SDK1: variants seen among roughly 807,000 people sequenced by gnomAD.
The protein encoded by SDK1 is protein sidekick-1.
Under a neutral mutation model 245.5 loss-of-function variants are expected in SDK1, and 157 were observed. The ratio of observed to expected loss-of-function variants is 0.64; its 90% CI spans 0.56 to 0.73. The LOEUF (loss-of-function observed/expected upper bound fraction) is 0.73. Ranked by LOEUF, SDK1 falls within the 30% of genes least tolerant of loss-of-function variation. The probability of loss-of-function intolerance (pLI) is 0.00; values close to 1 mark genes in which losing one functional copy is unlikely to be tolerated. For synonymous variants in SDK1, 1,647 were observed against 1,278.5 expected (o/e 1.29, Z -6.15); for missense variants, 3,583 against 3,002.3 (o/e 1.19, Z -4.52).
intron 5 of SDK1, among the ~76,000 whole-genome samples, chr7:3,903,569 C>G (rs1363797734): frequency 6.6e-6 from 1 of 152,114 alleles, no homozygotes. Context: ...TTGGCATTTC[C>G]TCAAAAAGTT....
At chr7:3,698,563 A>G (rs956443596) in intron 4 of SDK1, among the ~76,000 whole-genome samples, 13 of 152,144 alleles carry the variant, frequency 8.5e-5, no homozygotes, top group African/African-American at 2.7e-4. Context: ...CTGCACCTCT[A>G]TCTCAGCTCA....
intron 1 of SDK1, among the ~76,000 whole-genome samples, chr7:3,400,570 C>A (rs560853637): frequency 2.0e-5 from 3 of 152,084 alleles, no homozygotes; most frequent in Non-Finnish European, 4.4e-5. Flanking sequence ...TTGTATTACA[C>A]AAAAATAGAT....
intron 1 of SDK1, among the ~76,000 whole-genome samples, chr7:3,407,280 A>G (rs1302655246): frequency 1.3e-5 from 2 of 152,218 alleles, no homozygotes; most frequent in Non-Finnish European, 2.9e-5. Flanking sequence ...CTTTGCTCAT[A>G]GCCATTACCC....
At chr7:3,642,393 C>G (rs961007430) in intron 4 of SDK1, among the ~76,000 whole-genome samples, 1 of 152,094 alleles carries the variant, frequency 6.6e-6, no homozygotes, top group Admixed American at 6.6e-5. Context: ...TCTGAGTGTA[C>G]TTTTTAAGAT....
rs781749713 is a variant in SDK1 at position 4,241,802 on chromosome 7, T to A, written c.6140T>A (p.Ile2047Asn). 4 of 1,614,104 alleles carry A rather than the reference T, an allele frequency of 2.5e-6. No individual in the cohort carries two copies. In the East Asian group the frequency reaches 8.9e-5, roughly 36 times the overall value. ...TCCTGCTGGGCTTTAGGAAAGGGGA[T>A]CTCCACCATGGAGGAGTCTGTGACC... Reference protein sequence around the residue: ...KYKNCSTGKGISTMEESVTLD... With the variant: ...KYKNCSTGKGNSTMEESVTLD... Residue 2047 changes from isoleucine (I) to asparagine (N), a missense_variant, in exon 43 of 45, where the codon ATC (isoleucine) becomes AAC (asparagine). Coordinates refer to ENST00000404826, the MANE Select transcript of SDK1 (RefSeq NM_152744.4).
At position 4,265,857 on chromosome 7, in the gene SDK1, C is replaced by G; in HGVS notation, c.*473C>G. 1 of 989,390 alleles carries G rather than the reference C, an allele frequency of 1.0e-6. No individual in the cohort carries two copies. Among genetic ancestry groups the G allele is most frequent in the Non-Finnish European group, 1.2e-6 (1 of 832,952 alleles). The allele number at this position is 989,390 out of a possible 1,614,324, so 61.3% of individuals were successfully genotyped here. On this transcript the variant is annotated 3_prime_UTR_variant, in exon 45 of 45. Transcript: ENST00000404826. The stretch of plus-strand genomic sequence containing the variant: ...CCTTCTCAACGCAGGACATCCTCGG[C>G]GGCTCCTGGGGTTTGAAGAGCAAAC...
At chr7:4,206,114 C>T in intron 36 of SDK1, 120 bp downstream of exon 36, 1 of 674,682 alleles carries the variant, frequency 1.5e-6, no homozygotes, top group South Asian at 1.9e-5. Flanking sequence ...AGAGCTGGGG[C>T]CCAAGCGTCG....
intron 5 of SDK1, among the ~76,000 whole-genome samples, chr7:3,871,135 C>T (rs1022085016): frequency 1.4e-5 from 2 of 144,808 alleles, no homozygotes; most frequent in Non-Finnish European, 3.0e-5. Context: ...AGATTTATAC[C>T]TAAGTATTTC....
At chr7:3,535,668 G>A (rs996963611) in intron 1 of SDK1, among the ~76,000 whole-genome samples, 5 of 152,084 alleles carry the variant, frequency 3.3e-5, no homozygotes, top group African/African-American at 1.2e-4. Flanking sequence ...TATATTGGTC[G>A]TTCTTTTTCA....
intron 1 of SDK1, among the ~76,000 whole-genome samples, chr7:3,507,466 T>C (rs1376613488): frequency 6.6e-6 from 1 of 152,208 alleles, no homozygotes. Context: ...AATAATAGTC[T>C]AGTGTCAGGA....
intron 22 of SDK1, among the ~76,000 whole-genome samples, chr7:4,080,378 G>A (rs1037672243): frequency 1.3e-5 from 2 of 152,124 alleles, no homozygotes; most frequent in African/African-American, 4.8e-5. Flanking sequence ...ATAAAAGCAG[G>A]AGGAAAAAGA....
At position 4,139,715 on chromosome 7, in the gene SDK1, G is replaced by GTGTA. The variant is rs1562872910; in HGVS notation, c.4229-6004_4229-6003insATGT. Among the ~76,000 whole-genome samples, 4 of 39,048 alleles carry GTGTA rather than the reference G, an allele frequency of 1.0e-4. 1 individual carries two copies. Among genetic ancestry groups the GTGTA allele is most frequent in the Non-Finnish European group, 2.1e-4 (3 of 14,230 alleles). 25.6% of individuals were successfully genotyped at this position (39,048 alleles called of 152,430 possible). On this transcript the variant is annotated intron_variant, in intron 28 of 44. Coordinates refer to ENST00000404826, the MANE Select transcript of SDK1 (RefSeq NM_152744.4). ...TATGTGTGTGTGTGTATGTGTGTGT[G>GTGTA]TGTGTATGTGTGTGTGTGTGTATGT... is the stretch of plus-strand genomic sequence containing the variant.
chr7:3,610,544 C>T (rs1781554704), intron 1 of SDK1, among the ~76,000 whole-genome samples: 1 of 152,138 alleles, frequency 6.6e-6, no homozygotes, highest in Non-Finnish European at 1.5e-5. Context: ...GTATTTATCC[C>T]ACTGTGTCTT....
intron 4 of SDK1, among the ~76,000 whole-genome samples, chr7:3,737,001 C>T (rs1006591395): frequency 2.6e-5 from 4 of 152,220 alleles, no homozygotes; most frequent in Admixed American, 2.0e-4. Flanking sequence ...TTAGATTTCA[C>T]ATATAAGTGA....
intron 14 of SDK1, among the ~76,000 whole-genome samples, chr7:3,989,801 C>A (rs139128990): frequency 1.3e-5 from 2 of 152,232 alleles, no homozygotes; most frequent in African/African-American, 4.8e-5. Context: ...TCTACACCCT[C>A]GCCCTTCCCT....
At chr7:3,655,503 A>ATGTG (rs1187192231) in intron 4 of SDK1, among the ~76,000 whole-genome samples, 115 of 62,762 alleles carry the variant, frequency 1.8e-3, no homozygotes, top group Non-Finnish European at 2.8e-3. Context: ...ATATATATAT[A>ATGTG]TGTATGTATG....
At chr7:3,663,022 A>G (rs1048923912) in intron 4 of SDK1, among the ~76,000 whole-genome samples, 7 of 152,232 alleles carry the variant, frequency 4.6e-5, no homozygotes, top group Non-Finnish European at 8.8e-5. Context: ...ATGTGTATGC[A>G]TATATGTGTG....
chr7:3,675,313 C>G (rs1783856827), intron 4 of SDK1, among the ~76,000 whole-genome samples: 1 of 152,190 alleles, frequency 6.6e-6, no homozygotes, highest in Admixed American at 6.6e-5. Context: ...CACTTTGGAC[C>G]AAGTGATGGT....
At chr7:3,965,804 G>T (rs116487867) in intron 9 of SDK1, among the ~76,000 whole-genome samples, 150 of 152,230 alleles carry the variant, frequency 9.9e-4, no homozygotes, top group African/African-American at 3.5e-3. Flanking sequence ...GCCGGGTGGG[G>T]CTTCTCTAGG....
Sources: allele counts gnomAD v4.1 joint callset (sites outside exome capture counted in the v4.1 genomes callset), GRCh38; gene constraint gnomAD v4.1.1; transcripts MANE v1.5; gene names NCBI Gene and HGNC (gene_info 2026-07-23, HGNC 2026-07-21).